Variants in TULP4 observed in about 807,000 individuals in gnomAD.
The protein encoded by TULP4 is tubby-related protein 4.
Under a neutral mutation model 129.0 loss-of-function variants are expected in TULP4, and 16 were observed. The ratio of observed to expected loss-of-function variants is 0.12; its 90% confidence interval spans 0.08 to 0.19. TULP4 has a LOEUF of 0.19. Ranked by LOEUF, TULP4 falls within the 10% of genes least tolerant of loss-of-function variation. The pLI is 1.00. For synonymous variants in TULP4, 998 were observed against 854.0 expected (o/e 1.17, Z -2.94); for missense variants, 1,842 against 2,059.1 (o/e 0.89, Z 2.04).
In TULP4 at chr6:158,251,983, C is replaced by T. The variant is rs150499779; in HGVS notation, n.68+19680C>T. Among the ~76,000 whole-genome samples, 7 of 152,336 alleles carry T rather than the reference C, an allele frequency of 4.6e-5. No individual in the cohort carries two copies. The East Asian group carries it at 1.4e-3, about 29-fold the overall frequency. On this transcript the variant is annotated intron_variant and non_coding_transcript_variant, in intron 1 of 1. Coordinates refer to the TULP4 transcript ENST00000620026. ...AAGCTCCACTTTCTCTAGCAGAACT[C>T]TCAGGCTGCAGAGAACCCAGAGGGT...
chr6:158,237,547 G>A (rs1309591472), intron 1 of TULP4: 1 of 1,555,560 alleles, frequency 6.4e-7, no homozygotes, highest in East Asian at 2.2e-5. Flanking sequence ...TGCTCCCTGG[G>A]TCCCTTTTCC....
intron 3 of TULP4, among the ~76,000 whole-genome samples, chr6:158,448,473 T>G (rs901078761): frequency 6.6e-6 from 1 of 152,212 alleles, no homozygotes; most frequent in African/African-American, 2.4e-5. Flanking sequence ...AGTAAAACAT[T>G]CAACATTGGA....
At chr6:158,251,235 T>C (rs1442913189) in intron 1 of TULP4, among the ~76,000 whole-genome samples, 1 of 152,230 alleles carries the variant, frequency 6.6e-6, no homozygotes, top group Non-Finnish European at 1.5e-5. Context: ...GTTTATCTAA[T>C]GTTATTGAAA....
chr6:158,308,656 C>CG (rs1381762283), upstream of TULP4, among the ~76,000 whole-genome samples: 2 of 142,694 alleles, frequency 1.4e-5, no homozygotes, highest in Non-Finnish European at 3.1e-5. Flanking sequence ...CCCTCTCGGA[C>CG]GGGGCGGCTG....
chr6:158,301,396 G>GT lies in TULP4; in HGVS notation n.117-10642dup, dbSNP rs55701914. Among the ~76,000 whole-genome samples, 103 of 147,080 alleles carry GT rather than the reference G, an allele frequency of 7.0e-4. 1 individual carries two copies. Among genetic ancestry groups the GT allele is most frequent in the African/African-American group, 2.0e-3 (79 of 40,198 alleles). On this transcript the variant is annotated intron_variant and non_coding_transcript_variant, in intron 1 of 1. Transcript: ENST00000432358. ...GAAGTCATTTTTATAAAATCAAACA[G>GT]TTTTTTTTTTTTTGGATAATGATTG...
intron 1 of TULP4, among the ~76,000 whole-genome samples, chr6:158,262,689 AG>A (rs1225662105): frequency 6.6e-6 from 1 of 152,146 alleles, no homozygotes; most frequent in Admixed American, 6.5e-5. Flanking sequence ...AGAAGGCTGG[AG>A]GGTGGTGTCA....
chr6:158,490,332 G>T (rs1471600426), intron 9 of TULP4, among the ~76,000 whole-genome samples: 1 of 152,170 alleles, frequency 6.6e-6, no homozygotes, highest in Admixed American at 6.5e-5. Flanking sequence ...GGAAGTGGAG[G>T]TTGCAGAGCC....
intron 1 of TULP4, among the ~76,000 whole-genome samples, chr6:158,381,273 T>C (rs1777319852): frequency 6.6e-6 from 1 of 152,078 alleles, no homozygotes; most frequent in South Asian, 2.1e-4. Context: ...CATCTGAGCG[T>C]CTGTTCTTGA....
chr6:158,489,441 C>A, intron 8 of TULP4, 147 bp from the exon 9 acceptor site: 1 of 929,100 alleles, frequency 1.1e-6, no homozygotes, highest in African/African-American at 1.7e-5. Flanking sequence ...AAGAGAAAAA[C>A]AATGCCAAGC....
intron 3 of TULP4, among the ~76,000 whole-genome samples, chr6:158,435,804 G>T (rs1025562241): frequency 6.6e-6 from 1 of 152,044 alleles, no homozygotes; most frequent in South Asian, 2.1e-4. Context: ...TCTCCCCCCT[G>T]CCTCTCCTCC....
chr6:158,504,002 T>G lies in TULP4; in HGVS notation c.4339T>G (p.Cys1447Gly), dbSNP rs1481221879. The G allele has an allele frequency of 1.9e-6, 3 of 1,612,502 alleles. No homozygotes were observed. Among genetic ancestry groups the G allele is most frequent in the Non-Finnish European group, 2.5e-6 (3 of 1,179,464 alleles). Residue 1447 changes from cysteine to glycine, a missense_variant, in exon 13 of 14, where the codon TGC becomes GGC. Physicochemically the swap from Cys to Gly is radical, Grantham distance 159. Coordinates refer to ENST00000367097, the MANE Select transcript of TULP4 (RefSeq NM_020245.5). ...CGCCGGCGAGCTGGAGGAGGCCAAG[T>G]GCCGGCGGGCCAGTGAGAAGGAGGA... ...RAAGELEEAK[C>G]RRASEKEDGR... is the part of the protein sequence containing the mutation.
At chr6:158,239,095 C>T (rs1444112466) in intron 1 of TULP4, among the ~76,000 whole-genome samples, 11 of 116,604 alleles carry the variant, frequency 9.4e-5, no homozygotes, top group Non-Finnish European at 1.6e-4. Context: ...GGCGGCTGGC[C>T]GGGCAGAGGG....
At chr6:158,241,883 G>A (rs1034022039) in intron 1 of TULP4, 12 of 718,888 alleles carry the variant, frequency 1.7e-5, no homozygotes, top group African/African-American at 7.0e-5. Context: ...ATGAGCCACC[G>A]CGCCAGGCCA....
chr6:158,247,759 T>C (rs1778054240), intron 1 of TULP4, among the ~76,000 whole-genome samples: 1 of 152,230 alleles, frequency 6.6e-6, no homozygotes, highest in Non-Finnish European at 1.5e-5. Context: ...GAAATGCACA[T>C]CATTGTTACG....
intron 1 of TULP4, among the ~76,000 whole-genome samples, chr6:158,331,718 C>CGT (rs1562523086): frequency 4.1e-4 from 20 of 48,342 alleles, no homozygotes; most frequent in South Asian, 7.7e-4. Flanking sequence ...CACACACACA[C>CGT]ACACACACAC....
At chr6:158,336,437 T>C (rs552867889) in intron 1 of TULP4, among the ~76,000 whole-genome samples, 2 of 152,314 alleles carry the variant, frequency 1.3e-5, no homozygotes, top group East Asian at 3.9e-4. Flanking sequence ...TTTTTTTATC[T>C]AGTCAAATTT....
At chr6:158,371,349 C>T (rs1402770759) in intron 1 of TULP4, among the ~76,000 whole-genome samples, 2 of 152,174 alleles carry the variant, frequency 1.3e-5, no homozygotes, top group Non-Finnish European at 2.9e-5. Flanking sequence ...AGCTGAAGCT[C>T]ATTCGGCCCC....
chr6:158,363,062 C>CAAAA (rs11373437), intron 1 of TULP4, among the ~76,000 whole-genome samples: 16 of 87,966 alleles, frequency 1.8e-4, no homozygotes, highest in African/African-American at 5.9e-4. Context: ...GACTCCATCT[C>CAAAA]AAAAAAAAAA....
Position 158,242,036 on chromosome 6 carries a change from C to T in TULP4, n.68+9733C>T. ...GTAATGATGTTATTTGCAATTACAT[C>T]TAGTAACCCTACATCCGTTGGTTTT... On this transcript the variant is annotated intron_variant and non_coding_transcript_variant, in intron 1 of 1. Coordinates refer to the TULP4 transcript ENST00000620026. 3.8e-6 allele frequency: 3 copies of T among 795,302 alleles called. No homozygotes were observed. The South Asian group carries it at 4.0e-5, about 11-fold the overall frequency. The allele number at this position is 795,302 out of a possible 1,614,324, so 49.3% of individuals were successfully genotyped here.
Sources: allele counts gnomAD v4.1 joint callset (sites outside exome capture counted in the v4.1 genomes callset), GRCh38; gene constraint gnomAD v4.1.1; transcripts MANE v1.5; gene names NCBI Gene and HGNC (gene_info 2026-07-23, HGNC 2026-07-21).